Variants in STX6 observed in about 807,000 individuals in gnomAD.
STX6 encodes the protein syntaxin 6.
A neutral mutation model predicts 38.0 loss-of-function variants in STX6; 23 were observed. The observed-to-expected ratio is 0.60, with a 90% CI of 0.43 to 0.86. The LOEUF (loss-of-function observed/expected upper bound fraction) is 0.86. STX6 is among the 40% of genes least tolerant of loss of function. The pLI, the probability that STX6 is intolerant of heterozygous loss-of-function variation, is 0.00. For synonymous variants in STX6, 123 were observed against 107.5 expected, an observed-to-expected ratio of 1.14 and a Z score of -0.89; for missense variants, 274 against 312.9, an observed-to-expected ratio of 0.88 and a Z score of 0.94.
intron 4 of STX6, 28 bp downstream of exon 4, chr1:180,993,335 T>C: frequency 7.7e-7 from 1 of 1,296,274 alleles, no homozygotes; most frequent in Non-Finnish European, 1.1e-6. Flanking sequence ...TTTCTGTCAT[T>C]GATAATTATA....
Position 180,993,520 on chromosome 1 carries a change from T to C in STX6, c.301-95A>G, listed in dbSNP as rs139017247. On this transcript the variant is annotated intron_variant, in intron 3 of 7. Transcript: ENST00000258301. Reference sequence around the variant, plus strand: ...CATTAGCAAAACACACAATTTATTATTACTTTTTAAAAAGAAGACCGCATT... The same window carrying C: ...CATTAGCAAAACACACAATTTATTACTACTTTTTAAAAAGAAGACCGCATT... The C allele has an allele frequency of 2.7e-4, 170 of 636,866 alleles. 2 individuals are homozygous for C. In the African/African-American group the frequency reaches 2.8e-3, roughly 11 times the overall value. The allele number at this position is 636,866 out of a possible 1,614,324, so 39.5% of individuals were successfully genotyped here.
At chr1:180,987,160 G>A (rs1037515306) in intron 6 of STX6, among the ~76,000 whole-genome samples, 5 of 152,230 alleles carry the variant, frequency 3.3e-5, no homozygotes, top group African/African-American at 9.6e-5. Context: ...CTCCATGCAC[G>A]TGTGCACCTC....
At chr1:181,013,720 A>G (rs1454819085) in intron 1 of STX6, among the ~76,000 whole-genome samples, 1 of 152,214 alleles carries the variant, frequency 6.6e-6, no homozygotes, top group Non-Finnish European at 1.5e-5. Context: ...TGGAGTCTGT[A>G]GATCAGGAAT....
At chr1:181,007,621 G>A (rs1656260791) in intron 1 of STX6, among the ~76,000 whole-genome samples, 1 of 152,162 alleles carries the variant, frequency 6.6e-6, no homozygotes, top group Admixed American at 6.5e-5. Context: ...TAGGGCTTAG[G>A]TTTGTTCTCC....
At chr1:181,012,349 A>G (rs1172238737) in intron 1 of STX6, among the ~76,000 whole-genome samples, 1 of 152,222 alleles carries the variant, frequency 6.6e-6, no homozygotes, top group Non-Finnish European at 1.5e-5. Context: ...TGCCCAAATC[A>G]GTTTCATCTG....
chr1:180,988,264 C>A lies in STX6; in HGVS notation c.571G>T (p.Gly191Ter). The A allele has an allele frequency of 6.2e-7, 1 of 1,613,842 alleles. No individual in the cohort carries two copies. ...GVLKNMSQRI[G>*]GELEEQAVML... The stretch of plus-strand genomic sequence containing the variant: ...ACTGCCTGTTCCTCCAGCTCCCCTC[C>A]GATGCGCTGGGACATGTTCTTCAGC... Residue 191 changes from glycine (G) to a stop codon, truncating the protein, a stop_gained, in exon 6 of 8, where the codon GGA becomes TGA. Coordinates refer to ENST00000258301, the MANE Select transcript of STX6 (RefSeq NM_005819.6). LOFTEE classifies it high-confidence loss of function.
chr1:180,990,191 A>C (rs983984549), intron 4 of STX6, 82 bp from the exon 5 acceptor site: 1 of 1,548,586 alleles, frequency 6.5e-7, no homozygotes, highest in Non-Finnish European at 8.8e-7. Flanking sequence ...AGAGTGATAT[A>C]AAGAGTTTTC....
chr1:181,005,198 A>C lies in STX6; in HGVS notation c.205+96T>G, dbSNP rs1656190080. 4 of 1,521,546 alleles carry C rather than the reference A, an allele frequency of 2.6e-6. No homozygotes were observed. In the Admixed American group the frequency reaches 8.6e-5, roughly 33 times the overall value. The allele number at this position is 1,521,546 out of a possible 1,614,324, so 94.3% of individuals were successfully genotyped here. ...TAAGAGCAACAAACATTAATCGATT[A>C]TAAAATGTTTCATCTACATACTGGA... On this transcript the variant is annotated intron_variant, in intron 2 of 7. Coordinates refer to ENST00000258301, the MANE Select transcript of STX6 (RefSeq NM_005819.6).
At chr1:180,984,231 CA>C (rs112816132) in intron 7 of STX6, among the ~76,000 whole-genome samples, 1,787 of 139,058 alleles carry the variant, frequency 0.013, 21 homozygotes, top group African/African-American at 0.039. Context: ...TAAGGCATCA[CA>C]AAAAAAAAAA....
At chr1:180,985,994 T>C (rs767455947) in intron 6 of STX6, among the ~76,000 whole-genome samples, 3 of 152,186 alleles carry the variant, frequency 2.0e-5, no homozygotes, top group Admixed American at 2.0e-4. Flanking sequence ...AATTAAAAAA[T>C]ATTTAACTCA....
chr1:180,988,213 A>C (rs1444904094), intron 6 of STX6, 26 bp downstream of exon 6: 1 of 1,570,556 alleles, frequency 6.4e-7, no homozygotes, highest in East Asian at 2.2e-5. Context: ...ATTTCACTGA[A>C]GCGAGAGGGG....
chr1:181,005,897 A>G (rs1338415333), intron 1 of STX6, among the ~76,000 whole-genome samples: 1 of 152,196 alleles, frequency 6.6e-6, no homozygotes, highest in Non-Finnish European at 1.5e-5. Context: ...AGGAATGAGA[A>G]TGCTGGAGGG....
At chr1:181,008,428 G>A (rs1656290575) in intron 1 of STX6, among the ~76,000 whole-genome samples, 1 of 152,160 alleles carries the variant, frequency 6.6e-6, no homozygotes, top group Non-Finnish European at 1.5e-5. Context: ...TGCCCCCAGT[G>A]AGCATTTCTT....
intron 1 of STX6, 76 bp downstream of exon 1, chr1:181,022,563 T>C (rs1656770699): frequency 8.2e-6 from 12 of 1,472,284 alleles, no homozygotes; most frequent in Admixed American, 5.8e-5. Flanking sequence ...CTCCCCCCAC[T>C]GCGAGAAGAC....
intron 1 of STX6, 90 bp from the exon 2 acceptor site, chr1:181,005,553 A>G (rs1481048707): frequency 7.8e-7 from 1 of 1,281,658 alleles, no homozygotes; most frequent in East Asian, 2.5e-5. Flanking sequence ...TTATGATCAT[A>G]CACCATCCTC....
At chr1:181,005,124 C>T (rs1656188357) in intron 2 of STX6, 170 bp downstream of exon 2, 2 of 837,806 alleles carry the variant, frequency 2.4e-6, no homozygotes, top group Non-Finnish European at 2.9e-6. Flanking sequence ...AATTTGGCTA[C>T]TGTACCTTAA....
In STX6 at chr1:180,976,662, T is replaced by C. The variant is rs1342266070; in HGVS notation, c.692-16A>G. On this transcript the variant is annotated splice_polypyrimidine_tract_variant and intron_variant, in intron 7 of 7. Transcript: ENST00000258301. Reference sequence around the variant, plus strand: ...TGGCGCCGATCTGGAAGGCAGGACATGGGGATTAGCTCTCACAGGGACTCC... The same window carrying C: ...TGGCGCCGATCTGGAAGGCAGGACACGGGGATTAGCTCTCACAGGGACTCC... 7.4e-6 allele frequency: 12 copies of C among 1,612,008 alleles called. No homozygotes were observed. In the South Asian group the frequency reaches 1.3e-4, roughly 18 times the overall value.
At chr1:180,989,035 CAAT>C (rs1462012017) in intron 5 of STX6, 1 of 152,076 alleles carries the variant, frequency 6.6e-6, no homozygotes, top group East Asian at 1.9e-4. Context: ...ATTTAAGAAT[CAAT>C]AGTTTCAATG....
chr1:180,986,873 G>C (rs532342946), intron 6 of STX6, among the ~76,000 whole-genome samples: 21 of 152,250 alleles, frequency 1.4e-4, no homozygotes, highest in Middle Eastern at 3.4e-3. Flanking sequence ...AGAAGCTCAG[G>C]CCATTAGTCC....
Sources: allele counts gnomAD v4.1 joint callset (sites outside exome capture counted in the v4.1 genomes callset), GRCh38; gene constraint gnomAD v4.1.1; transcripts MANE v1.5; gene names NCBI Gene and HGNC (gene_info 2026-07-23, HGNC 2026-07-21).